Variants in ADARB2 observed in about 807,000 individuals in gnomAD.
The protein encoded by ADARB2 is adenosine deaminase RNA specific B2 (inactive), also known as inactive double-stranded RNA-specific editase B2.
In ADARB2, 25 loss-of-function variants were observed where a neutral mutation model predicts 62.2. That is an observed-to-expected ratio of 0.40 (90% CI 0.29 to 0.56). The LOEUF is 0.56. Among genes scored for constraint, ADARB2 ranks in the 20% least tolerant of loss-of-function variants. The pLI is 0.43. For missense variants in ADARB2, 1,071 were observed against 1,077.4 expected (o/e 0.99, Z 0.08); for synonymous variants, 572 against 500.8 (o/e 1.14, Z -1.90).
chr10:1,648,541 C>G (rs755957064), intron 1 of ADARB2, among the ~76,000 whole-genome samples: 22 of 152,162 alleles, frequency 1.4e-4, no homozygotes, highest in Admixed American at 3.3e-4. Flanking sequence ...TGCCTACGCT[C>G]GAGAACTGTT....
At chr10:1,625,361 G>C (rs982763930) in intron 1 of ADARB2, among the ~76,000 whole-genome samples, 2 of 152,254 alleles carry the variant, frequency 1.3e-5, no homozygotes, top group Non-Finnish European at 2.9e-5. Flanking sequence ...CAATCCCAAT[G>C]CCGGTTGCAG....
intron 3 of ADARB2, among the ~76,000 whole-genome samples, chr10:1,314,851 G>A (rs1315180190): frequency 6.6e-6 from 1 of 152,264 alleles, no homozygotes; most frequent in South Asian, 2.1e-4. Flanking sequence ...GAACACTGTG[G>A]GGTTCAGAGT....
intron 1 of ADARB2, among the ~76,000 whole-genome samples, chr10:1,527,516 CCTTAACATGA>C (rs1832163920): frequency 2.6e-5 from 4 of 152,206 alleles, no homozygotes; most frequent in Admixed American, 2.6e-4. Flanking sequence ...AAATCAATGC[CCTTAACATGA>C]CTGGCAAGAA....
chr10:1,456,155 C>T (rs1831092941), intron 1 of ADARB2, among the ~76,000 whole-genome samples: 1 of 152,144 alleles, frequency 6.6e-6, no homozygotes, highest in Non-Finnish European at 1.5e-5. Context: ...CTAGTTTCAC[C>T]TAGGGACCCG....
At chr10:1,604,500 T>C (rs891472128) in intron 1 of ADARB2, among the ~76,000 whole-genome samples, 14 of 152,156 alleles carry the variant, frequency 9.2e-5, no homozygotes, top group African/African-American at 3.4e-4. Flanking sequence ...GATGGAGAAT[T>C]ACTCCAGGGA....
At chr10:1,678,750 T>G (rs1164081924) in intron 1 of ADARB2, among the ~76,000 whole-genome samples, 1 of 152,038 alleles carries the variant, frequency 6.6e-6, no homozygotes, top group Non-Finnish European at 1.5e-5. Context: ...AGCTGGGCAG[T>G]AAGTGTGGCC....
At chr10:1,734,550 C>T (rs1366154180) in intron 1 of ADARB2, among the ~76,000 whole-genome samples, 2 of 152,180 alleles carry the variant, frequency 1.3e-5, no homozygotes, top group African/African-American at 4.8e-5. Flanking sequence ...GATGTCACCA[C>T]ACTGGGAAAT....
intron 3 of ADARB2, among the ~76,000 whole-genome samples, chr10:1,295,828 T>C (rs1232990872): frequency 6.6e-6 from 1 of 151,306 alleles, no homozygotes; most frequent in African/African-American, 2.5e-5. Context: ...TACAGCTTCT[T>C]TAAGACCCTG....
At chr10:1,488,677 C>T (rs1463658395) in intron 1 of ADARB2, among the ~76,000 whole-genome samples, 4 of 152,176 alleles carry the variant, frequency 2.6e-5, no homozygotes, top group African/African-American at 9.7e-5. Context: ...GAATGCACGT[C>T]CGCTCCTCAC....
At chr10:1,612,652 C>A (rs1833586883) in intron 1 of ADARB2, among the ~76,000 whole-genome samples, 1 of 152,194 alleles carries the variant, frequency 6.6e-6, no homozygotes, top group South Asian at 2.1e-4. Context: ...CTGTGTGTTG[C>A]CTGAGGCTCT....
chr10:1,297,557 C>T (rs549070751), intron 3 of ADARB2, among the ~76,000 whole-genome samples: 2 of 152,284 alleles, frequency 1.3e-5, no homozygotes, highest in African/African-American at 2.4e-5. Context: ...CAGAGACCCC[C>T]GAGGGTGGCT....
At chr10:1,597,791 A>G (rs536397974) in intron 1 of ADARB2, among the ~76,000 whole-genome samples, 47 of 152,264 alleles carry the variant, frequency 3.1e-4, no homozygotes, top group Non-Finnish European at 4.7e-4. Flanking sequence ...AAAGGGAAAG[A>G]AATCATTGTA....
At chr10:1,327,231 A>C (rs1267845956) in intron 3 of ADARB2, among the ~76,000 whole-genome samples, 1 of 106,362 alleles carries the variant, frequency 9.4e-6, no homozygotes, top group Non-Finnish European at 2.1e-5. Context: ...GCGCCTCCCC[A>C]CGGCACAGCA....
intron 1 of ADARB2, among the ~76,000 whole-genome samples, chr10:1,554,355 CAG>C (rs779086584): frequency 1.5e-3 from 222 of 152,324 alleles, no homozygotes; most frequent in Non-Finnish European, 2.1e-3. Context: ...GGTTTAAACG[CAG>C]AGAGTCATTT....
intron 1 of ADARB2, among the ~76,000 whole-genome samples, chr10:1,482,713 A>G (rs1831489249): frequency 6.6e-6 from 1 of 152,210 alleles, no homozygotes; most frequent in African/African-American, 2.4e-5. Flanking sequence ...CATACCCAGC[A>G]AAGCTGTCTC....
intron 1 of ADARB2, among the ~76,000 whole-genome samples, chr10:1,475,512 A>C (rs1057276095): frequency 2.6e-5 from 4 of 152,214 alleles, no homozygotes; most frequent in Non-Finnish European, 5.9e-5. Flanking sequence ...TGCTGTGCGG[A>C]CAGGGAAATC....
intron 1 of ADARB2, among the ~76,000 whole-genome samples, chr10:1,441,002 A>G (rs1830898651): frequency 6.6e-6 from 1 of 152,206 alleles, no homozygotes; most frequent in Non-Finnish European, 1.5e-5. Flanking sequence ...TTTTGTGATT[A>G]CACTTTATGG....
chr10:1,185,900 G>A (rs1332176957), intron 8 of ADARB2, among the ~76,000 whole-genome samples: 1 of 152,228 alleles, frequency 6.6e-6, no homozygotes, highest in African/African-American at 2.4e-5. Context: ...GGTGGCAGCT[G>A]CTTTGCAGCT....
At chr10:1,544,942 A>G (rs935157833) in intron 1 of ADARB2, among the ~76,000 whole-genome samples, 37 of 14,668 alleles carry the variant, frequency 2.5e-3, no homozygotes, top group East Asian at 4.0e-3. Flanking sequence ...TGTGAAGTCT[A>G]TAATAGCAAA....
Sources: allele counts gnomAD v4.1 joint callset (sites outside exome capture counted in the v4.1 genomes callset), GRCh38; gene constraint gnomAD v4.1.1; transcripts MANE v1.5; gene names NCBI Gene and HGNC (gene_info 2026-07-23, HGNC 2026-07-21).